The following SULF2 variants were observed in gnomAD, a reference collection of about 807,000 sequenced individuals.
SULF2 encodes the protein extracellular sulfatase Sulf-2.
In SULF2, 52 loss-of-function variants were observed where a neutral mutation model predicts 107.7. That is an observed-to-expected ratio of 0.48 (90% CI 0.39 to 0.61). SULF2 has a LOEUF of 0.61. SULF2 is among the 20% of genes least tolerant of loss of function. The pLI is 0.00. For synonymous variants in SULF2, 460 were observed against 464.3 expected (o/e 0.99, Z 0.12); for missense variants, 993 against 1,177.3 (o/e 0.84, Z 2.29).
At position 47,757,192 on chromosome 20, in the gene SULF2, G is replaced by A. The variant is rs1324369730; in HGVS notation, c.172C>T (p.Leu58=). 2 of 1,552,174 alleles carry A rather than the reference G, an allele frequency of 1.3e-6. No homozygotes were observed. The highest frequency in any genetic ancestry group is 1.7e-6 in the Non-Finnish European group (2 of 1,146,268). Residue 58 remains leucine (L), a synonymous_variant, in exon 2 of 21, where the codon CTG becomes TTG. Coordinates refer to ENST00000688720, the MANE Select transcript of SULF2 (RefSeq NM_001387048.1). ...ACCCTGGGGCCCCGAGGCTTACCCAGCTCCACATCCTGGTCGTCCGTCAGC... is the reference window on the plus strand; with the variant it reads ...ACCCTGGGGCCCCGAGGCTTACCCAACTCCACATCCTGGTCGTCCGTCAGC... ...LVLTDDQDVE[L]GSMQVMNKTR... is the part of the protein sequence containing the mutation.
At chr20:47,751,533 T>C (rs1329618101) in intron 2 of SULF2, among the ~76,000 whole-genome samples, 1 of 152,178 alleles carries the variant, frequency 6.6e-6, no homozygotes, top group Non-Finnish European at 1.5e-5. Context: ...ATGGTGTTCA[T>C]GTGGGTCTAG....
chr20:47,690,503 G>A (rs772461779), intron 4 of SULF2, among the ~76,000 whole-genome samples: 1 of 152,236 alleles, frequency 6.6e-6, no homozygotes, highest in Non-Finnish European at 1.5e-5. Context: ...TGCAAATGGT[G>A]CTAAGCTAAT....
chr20:47,684,010 A>G (rs1325354138), intron 6 of SULF2, among the ~76,000 whole-genome samples: 1 of 152,166 alleles, frequency 6.6e-6, no homozygotes, highest in Non-Finnish European at 1.5e-5. Context: ...TTAGTGGGCC[A>G]TCTAAGGGCT....
intron 1 of SULF2, among the ~76,000 whole-genome samples, chr20:47,758,162 CTTTTTTT>C (rs373618271): frequency 0.021 from 2,619 of 122,454 alleles, 22 homozygotes; most frequent in African/African-American, 0.033. Context: ...AAAAGTATTC[CTTTTTTT>C]TTTTTTTTTT....
At chr20:47,671,603 A>G (rs574720126) in intron 11 of SULF2, among the ~76,000 whole-genome samples, 1 of 152,158 alleles carries the variant, frequency 6.6e-6, no homozygotes, top group Non-Finnish European at 1.5e-5. Flanking sequence ...CACCACAAAC[A>G]CTGACTAATT....
intron 3 of SULF2, 50 bp from the exon 4 acceptor site, chr20:47,702,720 G>A (rs368160755): frequency 1.4e-4 from 223 of 1,594,790 alleles, no homozygotes; most frequent in Non-Finnish European, 1.6e-4. Context: ...GCCTGACGAT[G>A]TTTATTAAAC....
At chr20:47,745,473 T>C (rs2090014900) in intron 2 of SULF2, among the ~76,000 whole-genome samples, 1 of 125,446 alleles carries the variant, frequency 8.0e-6, no homozygotes, top group Non-Finnish European at 1.6e-5. Context: ...ACACACACAC[T>C]TTTTTAGTTC....
At chr20:47,697,235 C>T (rs2088410004) in intron 4 of SULF2, among the ~76,000 whole-genome samples, 1 of 152,210 alleles carries the variant, frequency 6.6e-6, no homozygotes, top group African/African-American at 2.4e-5. Flanking sequence ...AGCGCTTGTC[C>T]TGTATCACTC....
Position 47,664,255 on chromosome 20 carries a change from G to A in SULF2, c.1998-66C>T, listed in dbSNP as rs1412734023. ...CAGAGGGCTCCGCTGGCAGGTGCAA[G>A]CTGTGATTTCTGGGACTCCCATGTG... is the stretch of plus-strand genomic sequence containing the variant. On this transcript the variant is annotated intron_variant, in intron 14 of 20. Coordinates refer to ENST00000688720, the MANE Select transcript of SULF2 (RefSeq NM_001387048.1). 4.6e-6 allele frequency: 7 copies of A among 1,514,182 alleles called. No homozygotes were observed. In the East Asian group the frequency reaches 7.0e-5, roughly 15 times the overall value. The allele number at this position is 1,514,182 out of a possible 1,614,324, so 93.8% of individuals were successfully genotyped here.
chr20:47,686,558 A>G (rs1053614737), intron 5 of SULF2, among the ~76,000 whole-genome samples: 21 of 152,158 alleles, frequency 1.4e-4, no homozygotes, highest in African/African-American at 4.8e-4. Context: ...TGCTTTTCAC[A>G]GTGGGTGTTC....
intron 4 of SULF2, among the ~76,000 whole-genome samples, chr20:47,693,770 C>G (rs547979199): frequency 6.6e-6 from 1 of 152,182 alleles, no homozygotes; most frequent in East Asian, 1.9e-4. Context: ...GGGCTCAGGC[C>G]GGGGCAGGAA....
intron 3 of SULF2, chr20:47,706,941 C>T (rs748083000): frequency 2.6e-5 from 4 of 152,162 alleles, no homozygotes; most frequent in Admixed American, 6.5e-5. Context: ...TAAGCCCCCA[C>T]ATAAATCGGT....
At chr20:47,737,755 GTTTTTTTTTTTTTT>G (rs11484375) in intron 2 of SULF2, among the ~76,000 whole-genome samples, 2 of 61,838 alleles carry the variant, frequency 3.2e-5, no homozygotes, top group South Asian at 6.8e-4. Context: ...TCTTTTCTTT[GTTTTTTTTTTTTTT>G]TTTTTTTTTT....
chr20:47,756,342 C>T (rs73137520), intron 2 of SULF2, among the ~76,000 whole-genome samples: 40,291 of 152,092 alleles, frequency 0.26, 6,017 homozygotes, highest in Non-Finnish European at 0.34. Flanking sequence ...TGCTTCCTGG[C>T]TACAAATTCT....
At chr20:47,754,181 G>C (rs190944104) in intron 2 of SULF2, among the ~76,000 whole-genome samples, 112 of 152,240 alleles carry the variant, frequency 7.4e-4, no homozygotes, top group Non-Finnish European at 1.2e-3. Flanking sequence ...TTGTGTATCT[G>C]GCACCAGTCC....
chr20:47,689,998 G>C, intron 5 of SULF2, 128 bp downstream of exon 5: 2 of 929,440 alleles, frequency 2.2e-6, no homozygotes, highest in East Asian at 3.3e-5. Context: ...TGTTCTTGGG[G>C]TCTTTAAACC....
rs1019358467 is a variant in SULF2 at position 47,657,596 on chromosome 20, TG to T, written c.*765del. On this transcript the variant is annotated 3_prime_UTR_variant, in exon 21 of 21. Coordinates refer to ENST00000688720, the MANE Select transcript of SULF2 (RefSeq NM_001387048.1). The stretch of plus-strand genomic sequence containing the variant: ...TACCTTAAAAAAAAAACATCAGTTC[TG>T]GGACATAACAAAGAAATACTAGGAG... 2 of 152,136 alleles carry T rather than the reference TG, an allele frequency of 1.3e-5. No homozygotes were observed. The highest frequency in any genetic ancestry group is 4.8e-5 in the African/African-American group (2 of 41,424). 9.4% of individuals were successfully genotyped at this position (152,136 alleles called of 1,614,324 possible).
chr20:47,665,803 T>C, intron 13 of SULF2, 54 bp downstream of exon 13: 1 of 1,491,154 alleles, frequency 6.7e-7, no homozygotes, highest in Non-Finnish European at 9.3e-7. Context: ...GAACCGGGGG[T>C]CCTGCCAGGC....
intron 1 of SULF2, among the ~76,000 whole-genome samples, chr20:47,782,380 G>C (rs1289532093): frequency 6.6e-6 from 1 of 152,216 alleles, no homozygotes; most frequent in Non-Finnish European, 1.5e-5. Flanking sequence ...CAATTAGACA[G>C]TGCCTTCAAT....
Sources: allele counts gnomAD v4.1 joint callset (sites outside exome capture counted in the v4.1 genomes callset), GRCh38; gene constraint gnomAD v4.1.1; transcripts MANE v1.5; gene names NCBI Gene and HGNC (gene_info 2026-07-23, HGNC 2026-07-21).